ARHGAP25: variants seen among roughly 807,000 people sequenced by gnomAD.
The protein encoded by ARHGAP25 is rho GTPase-activating protein 25.
In ARHGAP25, 34 loss-of-function variants were observed where a neutral mutation model predicts 71.0. The observed-to-expected ratio is 0.48, with a 90% CI of 0.36 to 0.64. The LOEUF (loss-of-function observed/expected upper bound fraction) is 0.64, where lower values mean the gene tolerates loss of function less well. Among genes scored for constraint, ARHGAP25 ranks in the 30% least tolerant of loss-of-function variants. The pLI, the probability that ARHGAP25 is intolerant of heterozygous loss-of-function variation, is 0.00. For missense variants in ARHGAP25, 706 were observed against 805.1 expected (o/e 0.88, Z 1.49); for synonymous variants, 282 against 296.5 (o/e 0.95, Z 0.50).
upstream of ARHGAP25, among the ~76,000 whole-genome samples, chr2:68,730,416 G>C (rs973122314): frequency 7.2e-5 from 11 of 152,166 alleles, no homozygotes; most frequent in Non-Finnish European, 1.5e-4. Context: ...GGCCAAGGCA[G>C]AAGGATCACT....
At chr2:68,808,053 C>T (rs1680508362) in intron 5 of ARHGAP25, among the ~76,000 whole-genome samples, 1 of 152,104 alleles carries the variant, frequency 6.6e-6, no homozygotes, top group African/African-American at 2.4e-5. Context: ...GGAGGTCTCC[C>T]AGCCCTGTTT....
chr2:68,812,451 C>G (rs1680900019), intron 5 of ARHGAP25, among the ~76,000 whole-genome samples: 1 of 152,222 alleles, frequency 6.6e-6, no homozygotes, highest in Admixed American at 6.5e-5. Context: ...GAGGCGTCCT[C>G]TCCTCATGCT....
chr2:68,821,092 C>CTT (rs34119311), intron 9 of ARHGAP25, among the ~76,000 whole-genome samples: 21,027 of 99,394 alleles, frequency 0.21, 1,645 homozygotes, highest in East Asian at 0.36. Context: ...CTTTTTCTTT[C>CTT]TTTTTTTTTT....
At chr2:68,804,979 C>T (rs372892009) in intron 4 of ARHGAP25, among the ~76,000 whole-genome samples, 12 of 152,154 alleles carry the variant, frequency 7.9e-5, no homozygotes, top group African/African-American at 2.7e-4. Flanking sequence ...TCACAGAGTG[C>T]GGGAAGGATT....
rs572594618 is a variant in ARHGAP25, at chr2:68,821,486, A to T, written c.1201-854A>T. On this transcript the variant is annotated intron_variant, in intron 9 of 10. Transcript: ENST00000409202. The stretch of plus-strand genomic sequence containing the variant: ...TCAGGCAGATGTATTTCTCAAATGC[A>T]TTTTCAGAAGTGGGCTTGATGGGTC... 1.2e-4 allele frequency among the ~76,000 whole-genome samples: 18 copies of T among 152,304 alleles called. No homozygotes were observed. In the South Asian group the frequency reaches 3.7e-3, roughly 32 times the overall value.
chr2:68,764,041 G>C (rs1161704251), intron 1 of ARHGAP25, among the ~76,000 whole-genome samples: 3 of 152,244 alleles, frequency 2.0e-5, no homozygotes, highest in Non-Finnish European at 4.4e-5. Context: ...ATCAATCCCT[G>C]CTCTCACCCT....
At chr2:68,743,507 C>G (rs72893979) in intron 1 of ARHGAP25, among the ~76,000 whole-genome samples, 3,422 of 152,278 alleles carry the variant, frequency 0.022, 115 homozygotes, top group African/African-American at 0.079. Flanking sequence ...CCCAAAGATT[C>G]TTGTGCATGC....
chr2:68,749,636 G>A (rs1676041028), intron 1 of ARHGAP25, among the ~76,000 whole-genome samples: 1 of 152,196 alleles, frequency 6.6e-6, no homozygotes, highest in African/African-American at 2.4e-5. Context: ...CAGTGCTTGA[G>A]CTGAACATTC....
At position 68,816,369 on chromosome 2, in the gene ARHGAP25, G is replaced by A. The variant is rs751987774; in HGVS notation, c.881+7G>A. ...TCCTGAGCTACATCTGCAGGTGAGAGGCCCCTGGTATCAACTCTGCAGTTT... is the reference window on the plus strand; with the variant it reads ...TCCTGAGCTACATCTGCAGGTGAGAAGCCCCTGGTATCAACTCTGCAGTTT... On this transcript the variant is annotated splice_region_variant and intron_variant, in intron 7 of 10. Transcript: ENST00000409202. 3.1e-6 allele frequency: 5 copies of A among 1,608,068 alleles called. No homozygotes were observed. Among genetic ancestry groups the A allele is most frequent in the South Asian group, 1.1e-5 (1 of 90,932 alleles).
intron 1 of ARHGAP25, among the ~76,000 whole-genome samples, chr2:68,749,034 G>C (rs1414484563): frequency 6.6e-6 from 1 of 151,992 alleles, no homozygotes; most frequent in African/African-American, 2.4e-5. Flanking sequence ...GATGGGCAAG[G>C]GAGAGGAAGA....
rs189039453 is a variant in ARHGAP25 at position 68,715,587 on chromosome 2, G to C, written c.-18+4889G>C. On this transcript the variant is annotated intron_variant and NMD_transcript_variant, in intron 2 of 7. Transcript: ENST00000463483. ...GGCATTGCACCGGGTGCTTTCCCGT[G>C]TAGGTGAGAGGCATGGGGCTGCTAC... Among the ~76,000 whole-genome samples, 108 of 152,228 alleles carry C rather than the reference G, an allele frequency of 7.1e-4. 2 individuals carry two copies. The highest frequency in any genetic ancestry group is 1.4e-3 in the Non-Finnish European group (94 of 68,018).
At chr2:68,778,289 T>C (rs1678065295) in intron 2 of ARHGAP25, among the ~76,000 whole-genome samples, 1 of 151,958 alleles carries the variant, frequency 6.6e-6, no homozygotes, top group African/African-American at 2.4e-5. Context: ...AATGGAAAAA[T>C]GTCCATAACA....
At chr2:68,823,660 T>C (rs1470621910) in intron 10 of ARHGAP25, among the ~76,000 whole-genome samples, 1 of 152,052 alleles carries the variant, frequency 6.6e-6, no homozygotes, top group Non-Finnish European at 1.5e-5. Context: ...CAGGACGCAG[T>C]AGGGTTTTGT....
At chr2:68,713,766 T>G (rs1674545393) in intron 2 of ARHGAP25, among the ~76,000 whole-genome samples, 1 of 152,254 alleles carries the variant, frequency 6.6e-6, no homozygotes, top group South Asian at 2.1e-4. Flanking sequence ...ATGTGGTTTT[T>G]GTCATTGGTT....
In ARHGAP25 at chr2:68,807,368, A is replaced by C; in HGVS notation, c.562A>C (p.Ile188Leu). 1 of 1,614,248 alleles carries C rather than the reference A, an allele frequency of 6.2e-7. No individual in the cohort carries two copies. The highest frequency in any genetic ancestry group is 8.5e-7 in the Non-Finnish European group (1 of 1,180,048). ...CCTGGTGGAGAAATGTGCAGAGTTC[A>C]TCCTGGAGCACGGCCGGAATGAAGA... ...PILVEKCAEF[I>L]LEHGRNEEGI... is the part of the protein sequence containing the mutation. The change falls in exon 5 of 11, where the codon ATC (isoleucine) becomes CTC (leucine). Residue 188 changes from isoleucine (I) to leucine (L), a missense_variant. Transcript: ENST00000409202.
chr2:68,784,715 C>G (rs993093091), intron 3 of ARHGAP25, among the ~76,000 whole-genome samples: 4 of 152,174 alleles, frequency 2.6e-5, no homozygotes, highest in African/African-American at 9.7e-5. Flanking sequence ...TTGAGCACCT[C>G]CTATGAGCCA....
At chr2:68,763,242 A>G (rs967208390) in intron 1 of ARHGAP25, among the ~76,000 whole-genome samples, 5 of 152,192 alleles carry the variant, frequency 3.3e-5, no homozygotes, top group Admixed American at 3.3e-4. Flanking sequence ...AGCAGTGAAA[A>G]TTTTCATAAA....
chr2:68,742,866 C>T (rs1043369241), intron 1 of ARHGAP25, among the ~76,000 whole-genome samples: 72 of 152,228 alleles, frequency 4.7e-4, no homozygotes, highest in African/African-American at 1.7e-3. Context: ...CTGCTTCTTA[C>T]TCTTTATGCT....
At chr2:68,739,333 A>C (rs541426614) in intron 1 of ARHGAP25, among the ~76,000 whole-genome samples, 2 of 152,314 alleles carry the variant, frequency 1.3e-5, no homozygotes, top group East Asian at 3.9e-4. Flanking sequence ...GTGGGTATAC[A>C]TCACTATAAG....
Sources: gnomAD v4.1 joint callset for allele counts (sites outside exome capture counted in the v4.1 genomes callset) on GRCh38, gnomAD v4.1.1 for gene constraint, MANE v1.5 for transcripts, NCBI Gene and HGNC (gene_info 2026-07-23, HGNC 2026-07-21) for gene names.